The following FAM174B variants were observed in gnomAD, a reference collection of about 807,000 sequenced individuals.
FAM174B encodes membrane protein FAM174B.
In FAM174B, 12 loss-of-function variants were observed where a neutral mutation model predicts 10.9. The observed-to-expected ratio is 1.10, with a 90% CI of 0.71 to 1.79. The LOEUF (loss-of-function observed/expected upper bound fraction) is 1.79. Ranked by LOEUF, FAM174B falls within the 40% of genes most tolerant of loss-of-function variation. The probability of loss-of-function intolerance (pLI) is 0.00; values close to 1 mark genes in which losing one functional copy is unlikely to be tolerated. For synonymous variants in FAM174B, 132 were observed against 115.8 expected (o/e 1.14, Z -0.90); for missense variants, 266 against 233.3 (o/e 1.14, Z -0.91).
At chr15:92,636,381 T>G (rs1596299383) in intron 1 of FAM174B, among the ~76,000 whole-genome samples, 1 of 152,312 alleles carries the variant, frequency 6.6e-6, no homozygotes, top group Middle Eastern at 3.4e-3. Context: ...GATTTAAATT[T>G]GTGATCAAAT....
chr15:92,648,785 C>T (rs1453371102), intron 1 of FAM174B, among the ~76,000 whole-genome samples: 2 of 152,174 alleles, frequency 1.3e-5, no homozygotes, highest in Admixed American at 6.5e-5. Context: ...CACACCTGCC[C>T]GTGAGAAAGG....
chr15:92,626,284 G>T (rs1310812007), intron 2 of FAM174B, among the ~76,000 whole-genome samples: 2 of 151,956 alleles, frequency 1.3e-5, no homozygotes, highest in African/African-American at 4.8e-5. Flanking sequence ...ATTTTCAGTA[G>T]AGACAGGGTT....
chr15:92,643,041 A>C (rs539893597), intron 1 of FAM174B, among the ~76,000 whole-genome samples: 2 of 152,366 alleles, frequency 1.3e-5, no homozygotes. Flanking sequence ...TCATGGTTTC[A>C]GTCTGGAGTG....
At chr15:92,637,104 C>T (rs2050860943) in intron 1 of FAM174B, among the ~76,000 whole-genome samples, 1 of 152,206 alleles carries the variant, frequency 6.6e-6, no homozygotes, top group African/African-American at 2.4e-5. Context: ...CAGGAGTGGA[C>T]GTGAGCCTGG....
intron 1 of FAM174B, among the ~76,000 whole-genome samples, chr15:92,647,462 T>C (rs750609067): frequency 6.6e-6 from 1 of 152,136 alleles, no homozygotes; most frequent in African/African-American, 2.4e-5. Context: ...CCCCAGCCAG[T>C]TGAAGAGACC....
chr15:92,618,864 G>T lies in FAM174B; in HGVS notation c.*592C>A, dbSNP rs1262267243. ...TTAAAAAAAAAAAAAAAGGAAGAAA[G>T]AAAAGGAGCCACAGACGTGTCCAGG... On this transcript the variant is annotated 3_prime_UTR_variant, in exon 3 of 3. Coordinates refer to ENST00000327355, the MANE Select transcript of FAM174B (RefSeq NM_207446.3). 4 of 189,402 alleles carry T rather than the reference G, an allele frequency of 2.1e-5. No homozygotes were observed. Among genetic ancestry groups the T allele is most frequent in the Non-Finnish European group, 3.0e-5 (3 of 99,204 alleles). The allele number at this position is 189,402 out of a possible 1,614,324, so 11.7% of individuals were successfully genotyped here.
At chr15:92,620,256 T>TG (rs2141945937) in intron 2 of FAM174B, among the ~76,000 whole-genome samples, 1 of 152,330 alleles carries the variant, frequency 6.6e-6, no homozygotes, top group African/African-American at 2.4e-5. Context: ...CCCAGCACTT[T>TG]GGGAGGCCGA....
chr15:92,642,825 T>TA (rs1389509892), intron 1 of FAM174B, among the ~76,000 whole-genome samples: 1 of 152,180 alleles, frequency 6.6e-6, no homozygotes, highest in African/African-American at 2.4e-5. Flanking sequence ...TAAAAGATGG[T>TA]ATACCCATTC....
chr15:92,640,625 T>C (rs1456876668), intron 1 of FAM174B, among the ~76,000 whole-genome samples: 1 of 143,958 alleles, frequency 6.9e-6, no homozygotes, highest in Non-Finnish European at 1.5e-5. Flanking sequence ...TTCCAACTCA[T>C]CATAAATTTT....
At chr15:92,628,998 T>C (rs1040040986) in intron 2 of FAM174B, among the ~76,000 whole-genome samples, 1 of 152,240 alleles carries the variant, frequency 6.6e-6, no homozygotes, top group Non-Finnish European at 1.5e-5. Context: ...TCTCCCTAAA[T>C]TGATCCACAG....
intron 1 of FAM174B, among the ~76,000 whole-genome samples, chr15:92,652,486 G>A (rs2050972785): frequency 6.6e-6 from 1 of 152,186 alleles, no homozygotes; most frequent in Non-Finnish European, 1.5e-5. Context: ...GCTCAGGAGG[G>A]AGGCAGCACC....
intron 2 of FAM174B, chr15:92,627,060 CAAAAAAACA>C (rs1454532847): frequency 6.7e-6 from 1 of 150,230 alleles, no homozygotes; most frequent in Non-Finnish European, 1.5e-5. Flanking sequence ...TCAAAAAAAA[CAAAAAAACA>C]AAAAAAAAAC....
intron 1 of FAM174B, among the ~76,000 whole-genome samples, chr15:92,636,835 G>A (rs762593587): frequency 9.2e-5 from 14 of 152,148 alleles, no homozygotes; most frequent in Admixed American, 3.3e-4. Context: ...ACCGGAGTTC[G>A]CAGCCACTTG....
At chr15:92,642,587 G>A (rs1403584596) in intron 1 of FAM174B, among the ~76,000 whole-genome samples, 1 of 152,100 alleles carries the variant, frequency 6.6e-6, no homozygotes, top group East Asian at 1.9e-4. Flanking sequence ...TTTTATAAGG[G>A]GATTTTCCCC....
At chr15:92,626,546 A>C (rs2050754363) in intron 2 of FAM174B, among the ~76,000 whole-genome samples, 1 of 152,210 alleles carries the variant, frequency 6.6e-6, no homozygotes, top group African/African-American at 2.4e-5. Context: ...CACTGTCCCC[A>C]GAATGACAGC....
intron 2 of FAM174B, among the ~76,000 whole-genome samples, chr15:92,629,013 T>A (rs2141952070): frequency 1.3e-5 from 2 of 152,320 alleles, no homozygotes; most frequent in African/African-American, 4.8e-5. Context: ...CCACAGGCAA[T>A]GCAGTTCCAA....
At chr15:92,654,754 AC>A (rs1268158430) in intron 1 of FAM174B, among the ~76,000 whole-genome samples, 2 of 145,706 alleles carry the variant, frequency 1.4e-5, no homozygotes, top group East Asian at 2.0e-4. Flanking sequence ...CAATTCTACT[AC>A]CCCCCACACT....
At chr15:92,637,061 C>A (rs1305541676) in intron 1 of FAM174B, among the ~76,000 whole-genome samples, 1 of 152,234 alleles carries the variant, frequency 6.6e-6, no homozygotes, top group Non-Finnish European at 1.5e-5. Context: ...GGGTGAAGCC[C>A]CTCCCACATG....
intron 2 of FAM174B, among the ~76,000 whole-genome samples, chr15:92,629,917 G>A (rs550521237): frequency 4.6e-5 from 7 of 152,116 alleles, no homozygotes; most frequent in Non-Finnish European, 7.3e-5. Flanking sequence ...CATCATCCAC[G>A]TAAGATGTGA....
Sources: gnomAD v4.1 joint callset for allele counts (sites outside exome capture counted in the v4.1 genomes callset) on GRCh38, gnomAD v4.1.1 for gene constraint, MANE v1.5 for transcripts, NCBI Gene and HGNC (gene_info 2026-07-23, HGNC 2026-07-21) for gene names.